Variants in CSMD3 observed in about 807,000 individuals in gnomAD.
CSMD3 encodes CUB and sushi domain-containing protein 3.
CSMD3 carries 177 observed loss-of-function variants against 435.2 expected under a neutral mutation model. The ratio of observed to expected loss-of-function variants is 0.41; its 90% confidence interval spans 0.36 to 0.46. The LOEUF (loss-of-function observed/expected upper bound fraction) is 0.46. Ranked by LOEUF, CSMD3 falls within the 20% of genes least tolerant of loss-of-function variation. The probability of loss-of-function intolerance (pLI) is 0.34; values close to 1 mark genes in which losing one functional copy is unlikely to be tolerated. For synonymous variants in CSMD3, 1,656 were observed against 1,520.5 expected, an observed-to-expected ratio of 1.09 and a Z score of -2.07; for missense variants, 4,265 against 4,504.6, an observed-to-expected ratio of 0.95 and a Z score of 1.52.
intron 16 of CSMD3, among the ~76,000 whole-genome samples, chr8:112,670,075 G>A (rs922238608): frequency 3.3e-5 from 5 of 152,070 alleles, no homozygotes; most frequent in African/African-American, 1.2e-4. Context: ...CACAGTACAA[G>A]GGGCCCAGAA....
intron 1 of CSMD3, among the ~76,000 whole-genome samples, chr8:113,359,729 G>A (rs1044424631): frequency 6.6e-6 from 1 of 152,166 alleles, no homozygotes; most frequent in Non-Finnish European, 1.5e-5. Context: ...AACATTAAAA[G>A]TTTATACTCT....
intron 18 of CSMD3, among the ~76,000 whole-genome samples, chr8:112,653,317 A>C (rs80145073): frequency 7.8e-4 from 119 of 151,816 alleles, no homozygotes; most frequent in African/African-American, 2.8e-3. Context: ...TGTTTCTACT[A>C]CTCCTCCCCT....
intron 10 of CSMD3, among the ~76,000 whole-genome samples, chr8:112,911,649 G>GTGTACATATATA (rs1443868346): frequency 1.6e-5 from 1 of 64,482 alleles, no homozygotes; most frequent in African/African-American, 7.0e-5. Context: ...ATATGTGTGT[G>GTGTACATATATA]TGTGTGTGTG....
At chr8:112,329,156 G>T (rs1221978129) in intron 45 of CSMD3, among the ~76,000 whole-genome samples, 1 of 152,056 alleles carries the variant, frequency 6.6e-6, no homozygotes, top group Non-Finnish European at 1.5e-5. Flanking sequence ...AAAATAATGT[G>T]CCAAAGACCT....
At chr8:112,493,707 T>C (rs1820930889) in intron 30 of CSMD3, among the ~76,000 whole-genome samples, 1 of 152,160 alleles carries the variant, frequency 6.6e-6, no homozygotes, top group African/African-American at 2.4e-5. Flanking sequence ...ACTGACAGAA[T>C]AATTTGAAAA....
intron 1 of CSMD3, among the ~76,000 whole-genome samples, chr8:113,333,382 T>G (rs2094043029): frequency 6.6e-6 from 1 of 151,860 alleles, no homozygotes; most frequent in South Asian, 2.1e-4. Context: ...ATTTTTTGTA[T>G]CTATTTTTCT....
At chr8:112,364,858 G>GT (rs1001530817) in intron 38 of CSMD3, among the ~76,000 whole-genome samples, 11 of 152,052 alleles carry the variant, frequency 7.2e-5, no homozygotes, top group African/African-American at 2.7e-4. Flanking sequence ...AAAATTGTCA[G>GT]TTTAAGAATT....
chr8:112,793,156 T>C (rs1217436960), intron 13 of CSMD3, among the ~76,000 whole-genome samples: 2 of 147,508 alleles, frequency 1.4e-5, no homozygotes, highest in Admixed American at 6.8e-5. Context: ...CATATTAAAT[T>C]AATATATTAA....
chr8:112,584,937 A>G (rs1371164380), intron 23 of CSMD3, among the ~76,000 whole-genome samples: 1 of 151,586 alleles, frequency 6.6e-6, no homozygotes, highest in Non-Finnish European at 1.5e-5. Context: ...AGGCTCTACA[A>G]TTTTTGAGAA....
chr8:112,928,857 C>A (rs372321202), intron 9 of CSMD3, among the ~76,000 whole-genome samples: 1 of 147,088 alleles, frequency 6.8e-6, no homozygotes, highest in Non-Finnish European at 1.5e-5. Flanking sequence ...CCTGAGGAAT[C>A]GCCACACTGA....
chr8:112,566,702 A>G (rs1445407219), intron 24 of CSMD3, among the ~76,000 whole-genome samples: 1 of 152,136 alleles, frequency 6.6e-6, no homozygotes, highest in Non-Finnish European at 1.5e-5. Context: ...GGGACTAGGC[A>G]TGTTCAAAAT....
intron 6 of CSMD3, among the ~76,000 whole-genome samples, chr8:112,999,601 A>T (rs1382274072): frequency 6.6e-6 from 1 of 151,680 alleles, no homozygotes; most frequent in African/African-American, 2.4e-5. Flanking sequence ...TTTAATTGCT[A>T]ATATAATATG....
chr8:113,180,556 A>C (rs899416185), intron 3 of CSMD3, among the ~76,000 whole-genome samples: 1 of 152,044 alleles, frequency 6.6e-6, no homozygotes, highest in Non-Finnish European at 1.5e-5. Context: ...TATACCAAGA[A>C]TTTAGCACAC....
intron 1 of CSMD3, among the ~76,000 whole-genome samples, chr8:113,333,255 G>A (rs1025203292): frequency 2.0e-5 from 3 of 151,630 alleles, no homozygotes; most frequent in South Asian, 2.1e-4. Flanking sequence ...TTCATAGGGT[G>A]TATGACATAG....
chr8:112,950,822 C>A (rs1277315495), intron 8 of CSMD3, among the ~76,000 whole-genome samples: 5 of 152,016 alleles, frequency 3.3e-5, no homozygotes, highest in Middle Eastern at 3.4e-3. Flanking sequence ...CTCGGCAAGG[C>A]AGAAACTATG....
intron 17 of CSMD3, among the ~76,000 whole-genome samples, chr8:112,657,342 C>A (rs537362210): frequency 6.6e-6 from 1 of 152,130 alleles, no homozygotes; most frequent in East Asian, 1.9e-4. Flanking sequence ...GGATTACAGG[C>A]GTGAGCCACT....
At chr8:112,927,876 C>T (rs1454528891) in intron 9 of CSMD3, among the ~76,000 whole-genome samples, 3 of 152,094 alleles carry the variant, frequency 2.0e-5, no homozygotes, top group Non-Finnish European at 4.4e-5. Flanking sequence ...TATAATCAGT[C>T]TGGATATTGT....
chr8:112,236,271 A>G (rs984144973), intron 67 of CSMD3, among the ~76,000 whole-genome samples: 2 of 151,908 alleles, frequency 1.3e-5, no homozygotes, highest in African/African-American at 4.8e-5. Flanking sequence ...TACAGTTTAT[A>G]TTTCATATTT....
intron 10 of CSMD3, among the ~76,000 whole-genome samples, chr8:112,880,505 A>T (rs576957115): frequency 1.3e-5 from 2 of 152,088 alleles, no homozygotes; most frequent in Non-Finnish European, 1.5e-5. Flanking sequence ...TGAATCTCGA[A>T]AAGTCAGGAT....
Sources: allele counts gnomAD v4.1 joint callset (sites outside exome capture counted in the v4.1 genomes callset), GRCh38; gene constraint gnomAD v4.1.1; transcripts MANE v1.5; gene names NCBI Gene and HGNC (gene_info 2026-07-23, HGNC 2026-07-21).